WWC1: variants seen among roughly 807,000 people sequenced by gnomAD.
WWC1 encodes WW and C2 domain containing 1.
WWC1 carries 55 observed loss-of-function variants against 138.4 expected under a neutral mutation model. The ratio of observed to expected loss-of-function variants is 0.40; its 90% CI spans 0.32 to 0.50. The LOEUF (loss-of-function observed/expected upper bound fraction) is 0.50. Among genes scored for constraint, WWC1 ranks in the 20% least tolerant of loss-of-function variants. The pLI, the probability that WWC1 is intolerant of heterozygous loss-of-function variation, is 0.72. For synonymous variants in WWC1, 524 were observed against 564.9 expected, an observed-to-expected ratio of 0.93 and a Z score of 1.03; for missense variants, 1,226 against 1,420.4, an observed-to-expected ratio of 0.86 and a Z score of 2.20.
chr5:168,421,429 C>T (rs1193760094), intron 9 of WWC1, among the ~76,000 whole-genome samples: 1 of 152,214 alleles, frequency 6.6e-6, no homozygotes, highest in East Asian at 1.9e-4. Context: ...ACTTTTTCTT[C>T]ATGGACCTTG....
chr5:168,386,181 A>G (rs1044283714), intron 3 of WWC1, among the ~76,000 whole-genome samples: 6 of 151,990 alleles, frequency 3.9e-5, no homozygotes, highest in Admixed American at 2.6e-4. Context: ...GGACAACTCT[A>G]TCAGAAGCCT....
At chr5:168,343,816 C>CAA (rs35208487) in intron 1 of WWC1, among the ~76,000 whole-genome samples, 3 of 135,604 alleles carry the variant, frequency 2.2e-5, no homozygotes, top group Non-Finnish European at 4.8e-5. Context: ...GACTATGTCT[C>CAA]AAAAAAAAAA....
At chr5:168,312,263 C>T (rs1325670073) in intron 1 of WWC1, among the ~76,000 whole-genome samples, 1 of 151,678 alleles carries the variant, frequency 6.6e-6, no homozygotes, top group African/African-American at 2.4e-5. Flanking sequence ...GAGTGCAAAG[C>T]ACAGTTCTAA....
chr5:168,346,370 A>G (rs905423728), intron 1 of WWC1, among the ~76,000 whole-genome samples: 1 of 152,138 alleles, frequency 6.6e-6, no homozygotes, highest in Non-Finnish European at 1.5e-5. Context: ...GCCCGCAGAA[A>G]ACAGCAGCTG....
chr5:168,324,512 G>A (rs1229476143), intron 1 of WWC1, among the ~76,000 whole-genome samples: 1 of 152,112 alleles, frequency 6.6e-6, no homozygotes, highest in Non-Finnish European at 1.5e-5. Flanking sequence ...GAAATTAAAA[G>A]AGCACCAGAA....
chr5:168,391,758 G>GGC (rs1302270447), intron 3 of WWC1, among the ~76,000 whole-genome samples: 1 of 72,432 alleles, frequency 1.4e-5, no homozygotes, highest in Non-Finnish European at 2.5e-5. Context: ...ATATTTTTAA[G>GGC]GCATATATAT....
intron 2 of WWC1, among the ~76,000 whole-genome samples, chr5:168,376,088 T>C (rs1777145392): frequency 6.6e-6 from 1 of 151,810 alleles, no homozygotes; most frequent in African/African-American, 2.4e-5. Flanking sequence ...AGAGTCTTGC[T>C]CTGTCCCCAG....
intron 20 of WWC1, among the ~76,000 whole-genome samples, chr5:168,461,810 A>C (rs1275137761): frequency 6.6e-6 from 1 of 152,182 alleles, no homozygotes; most frequent in Non-Finnish European, 1.5e-5. Flanking sequence ...CTGTAATCCC[A>C]GCACTTTGGG....
At chr5:168,369,895 A>ATTTTTTTTTTTTTT (rs35999257) in intron 1 of WWC1, among the ~76,000 whole-genome samples, 1 of 89,010 alleles carries the variant, frequency 1.1e-5, no homozygotes, top group Non-Finnish European at 2.1e-5. Flanking sequence ...TCATTGTGCA[A>ATTTTTTTTTTTTTT]TTTTTTTTTT....
intron 1 of WWC1, among the ~76,000 whole-genome samples, chr5:168,354,163 GC>G (rs1775217510): frequency 6.6e-6 from 1 of 151,632 alleles, no homozygotes; most frequent in Non-Finnish European, 1.5e-5. Context: ...CGATTCTCCT[GC>G]CTCAGCTACC....
intron 2 of WWC1, among the ~76,000 whole-genome samples, chr5:168,376,462 C>T (rs1207619885): frequency 6.6e-6 from 1 of 152,086 alleles, no homozygotes; most frequent in Non-Finnish European, 1.5e-5. Flanking sequence ...ATAGAAGATA[C>T]CCAAATAGGA....
At chr5:168,337,407 A>G (rs1346941141) in intron 1 of WWC1, among the ~76,000 whole-genome samples, 1 of 152,042 alleles carries the variant, frequency 6.6e-6, no homozygotes, top group Non-Finnish European at 1.5e-5. Context: ...ACAGCTGGCA[A>G]TGTCAAGACA....
chr5:168,367,968 C>CACAG (rs70976477), intron 1 of WWC1, among the ~76,000 whole-genome samples: 3 of 150,814 alleles, frequency 2.0e-5, no homozygotes, highest in Non-Finnish European at 3.0e-5. Context: ...CACACACACA[C>CACAG]TCTCTTCAGG....
At chr5:168,304,316 C>T (rs1437489038) in intron 1 of WWC1, among the ~76,000 whole-genome samples, 1 of 152,202 alleles carries the variant, frequency 6.6e-6, no homozygotes, top group African/African-American at 2.4e-5. Flanking sequence ...AGATAGACTT[C>T]TTCCTAGTAG....
chr5:168,377,052 A>G (rs1471715029), intron 2 of WWC1, among the ~76,000 whole-genome samples: 1 of 152,268 alleles, frequency 6.6e-6, no homozygotes, highest in Non-Finnish European at 1.5e-5. Flanking sequence ...TGCAGTATCC[A>G]AAACAGCATG....
chr5:168,394,479 C>A (rs944968049), intron 3 of WWC1, among the ~76,000 whole-genome samples: 3 of 147,950 alleles, frequency 2.0e-5, no homozygotes, highest in African/African-American at 7.6e-5. Context: ...GTAATCCCAG[C>A]ACTTGGGGGG....
intron 22 of WWC1, among the ~76,000 whole-genome samples, chr5:168,468,414 C>G (rs1245697596): frequency 6.6e-6 from 1 of 151,876 alleles, no homozygotes; most frequent in Non-Finnish European, 1.5e-5. Context: ...GCCATTTGGC[C>G]TGGGCCTCCC....
At chr5:168,364,372 G>T (rs147156307) in intron 1 of WWC1, among the ~76,000 whole-genome samples, 234 of 152,116 alleles carry the variant, frequency 1.5e-3, no homozygotes, top group South Asian at 0.015. Context: ...ATGGCCCGTT[G>T]GCCTTTCGCG....
chr5:168,439,681 A>G (rs530122533), intron 15 of WWC1, among the ~76,000 whole-genome samples: 1 of 151,808 alleles, frequency 6.6e-6, no homozygotes, highest in South Asian at 2.1e-4. Context: ...CAGAATGAAG[A>G]CTCTTGTTTG....
Sources: allele counts gnomAD v4.1 joint callset (sites outside exome capture counted in the v4.1 genomes callset), GRCh38; gene constraint gnomAD v4.1.1; transcripts MANE v1.5; gene names NCBI Gene and HGNC (gene_info 2026-07-23, HGNC 2026-07-21).